The following RYR2 variants were observed in gnomAD, a reference collection of about 807,000 sequenced individuals.
The protein encoded by RYR2 is ryanodine receptor 2.
RYR2 carries 227 observed loss-of-function variants against 601.1 expected under a neutral mutation model. The observed-to-expected ratio is 0.38, with a 90% CI of 0.34 to 0.42. The LOEUF is 0.42. RYR2 is among the 10% of genes least tolerant of loss of function. RYR2 has a pLI of 1.00. For missense variants in RYR2, 4,646 were observed against 6,156.5 expected, an observed-to-expected ratio of 0.75 and a Z score of 8.21; for synonymous variants, 2,223 against 2,175.1, an observed-to-expected ratio of 1.02 and a Z score of -0.61.
At chr1:237,569,420 C>G (rs916327699) in intron 29 of RYR2, 101 bp downstream of exon 29, 1 of 1,098,092 alleles carries the variant, frequency 9.1e-7, no homozygotes, top group Non-Finnish European at 1.3e-6. Flanking sequence ...GGTGAGTGAG[C>G]AGATGAGTTG....
intron 44 of RYR2, among the ~76,000 whole-genome samples, chr1:237,637,368 G>T (rs1449905086): frequency 1.3e-5 from 2 of 152,094 alleles, no homozygotes; most frequent in Non-Finnish European, 2.9e-5. Flanking sequence ...GTGAAATATT[G>T]TAGAGGACTA....
At chr1:237,208,665 T>C (rs1682087535) in intron 1 of RYR2, among the ~76,000 whole-genome samples, 1 of 152,046 alleles carries the variant, frequency 6.6e-6, no homozygotes. Flanking sequence ...AAAACCAAGC[T>C]AATGAACGTA....
intron 12 of RYR2, among the ~76,000 whole-genome samples, chr1:237,432,098 T>A (rs5781956): frequency 7.5e-6 from 1 of 132,890 alleles, no homozygotes; most frequent in Non-Finnish European, 1.7e-5. Context: ...TAGCAAATGG[T>A]CTTTTTTTTT....
chr1:237,516,555 C>T (rs529892302), intron 24 of RYR2, among the ~76,000 whole-genome samples: 1 of 152,284 alleles, frequency 6.6e-6, no homozygotes, highest in South Asian at 2.1e-4. Context: ...GATACCTCCC[C>T]AAATATCCAT....
At chr1:237,391,385 A>G (rs1462282558) in intron 10 of RYR2, among the ~76,000 whole-genome samples, 1 of 152,126 alleles carries the variant, frequency 6.6e-6, no homozygotes, top group African/African-American at 2.4e-5. Flanking sequence ...GGAAATATGT[A>G]AAAAAAATTT....
intron 100 of RYR2, among the ~76,000 whole-genome samples, chr1:237,816,752 A>G (rs1227346999): frequency 6.6e-6 from 1 of 152,174 alleles, no homozygotes. Flanking sequence ...AATGTGTGGT[A>G]AAACAAATTC....
At chr1:237,691,094 G>A (rs190364231) in intron 63 of RYR2, among the ~76,000 whole-genome samples, 24 of 152,236 alleles carry the variant, frequency 1.6e-4, no homozygotes, top group African/African-American at 5.1e-4. Context: ...GAGCCACCAC[G>A]CCCGGCCAAA....
chr1:237,278,321 G>T (rs1035977631), intron 2 of RYR2, among the ~76,000 whole-genome samples: 2 of 144,978 alleles, frequency 1.4e-5, no homozygotes, highest in East Asian at 4.0e-4. Flanking sequence ...AAAGTCCTGG[G>T]CTCAAGCGAT....
chr1:237,490,135 C>G (rs1663163455), intron 17 of RYR2, among the ~76,000 whole-genome samples: 1 of 152,120 alleles, frequency 6.6e-6, no homozygotes, highest in African/African-American at 2.4e-5. Context: ...ACAAGGGGTA[C>G]TCATGGACAT....
At chr1:237,711,273 A>T (rs1688816447) in intron 70 of RYR2, among the ~76,000 whole-genome samples, 1 of 152,212 alleles carries the variant, frequency 6.6e-6, no homozygotes, top group Middle Eastern at 3.2e-3. Context: ...ATATTTAAAG[A>T]TAAATTGATT....
At chr1:237,658,148 T>A (rs536348967) in intron 54 of RYR2, 126 bp downstream of exon 54, 1 of 467,320 alleles carries the variant, frequency 2.1e-6, no homozygotes. Flanking sequence ...AAAAAATACT[T>A]AATTACAATT....
In RYR2 at chr1:237,634,277, G is replaced by A. The variant is rs115593107; in HGVS notation, c.6688+567G>A. Among the ~76,000 whole-genome samples, 1,017 of 152,156 alleles carry A rather than the reference G, an allele frequency of 6.7e-3. 9 individuals carry two copies. Among genetic ancestry groups the A allele is most frequent in the Admixed American group, 0.011 (168 of 15,288 alleles). On this transcript the variant is annotated intron_variant, in intron 43 of 104. Transcript: ENST00000366574. ...CATATTCACAATGGAATGCTGTTTG[G>A]CCTTAAAAAAAGAGGGAATCCTGTC...
intron 1 of RYR2, among the ~76,000 whole-genome samples, chr1:237,098,387 A>C (rs9428659): frequency 2.1e-5 from 1 of 47,308 alleles, no homozygotes; most frequent in African/African-American, 4.9e-5. Flanking sequence ...CATTGTGTGT[A>C]TGTGTGTGTG....
At chr1:237,144,796 T>C (rs1673803550) in intron 1 of RYR2, among the ~76,000 whole-genome samples, 3 of 152,190 alleles carry the variant, frequency 2.0e-5, no homozygotes, top group Admixed American at 6.5e-5. Context: ...TACACAATAA[T>C]AGATGTAACA....
At chr1:237,513,634 C>T (rs895695429) in intron 24 of RYR2, among the ~76,000 whole-genome samples, 2 of 152,236 alleles carry the variant, frequency 1.3e-5, no homozygotes, top group Non-Finnish European at 2.9e-5. Flanking sequence ...GTGCAACGCA[C>T]TACCTTTTCT....
At chr1:237,391,201 G>A (rs1702352430) in intron 10 of RYR2, among the ~76,000 whole-genome samples, 1 of 152,016 alleles carries the variant, frequency 6.6e-6, no homozygotes, top group Non-Finnish European at 1.5e-5. Flanking sequence ...AAGGAACTTG[G>A]GGGAGGCAAA....
At chr1:237,650,156 G>C in intron 50 of RYR2, 59 bp downstream of exon 50, 1 of 1,444,188 alleles carries the variant, frequency 6.9e-7, no homozygotes, top group Non-Finnish European at 9.6e-7. Flanking sequence ...TTTACAATGT[G>C]GCCTTTGACA....
At chr1:237,394,931 A>G (rs1047874765) in intron 10 of RYR2, among the ~76,000 whole-genome samples, 1 of 152,174 alleles carries the variant, frequency 6.6e-6, no homozygotes, top group Non-Finnish European at 1.5e-5. Context: ...GGAAGGAGGC[A>G]TGTTTTACGT....
At chr1:237,452,668 G>T (rs1020316517) in intron 14 of RYR2, among the ~76,000 whole-genome samples, 1 of 150,308 alleles carries the variant, frequency 6.7e-6, no homozygotes, top group Non-Finnish European at 1.5e-5. Context: ...TAATAATATA[G>T]TTTAATCTTT....
Sources: allele counts gnomAD v4.1 joint callset (sites outside exome capture counted in the v4.1 genomes callset), GRCh38; gene constraint gnomAD v4.1.1; transcripts MANE v1.5; gene names NCBI Gene and HGNC (gene_info 2026-07-23, HGNC 2026-07-21).